Variants in TRPM3 observed in about 807,000 individuals in gnomAD.
TRPM3 encodes long transient receptor potential channel 3.
A neutral mutation model predicts 181.2 loss-of-function variants in TRPM3; 77 were observed. That is an observed-to-expected ratio of 0.42 (90% CI 0.35 to 0.51). The LOEUF (loss-of-function observed/expected upper bound fraction) is 0.51, where lower values mean the gene tolerates loss of function less well. TRPM3 is among the 20% of genes least tolerant of loss of function. The pLI, the probability that TRPM3 is intolerant of heterozygous loss-of-function variation, is 0.01. For synonymous variants in TRPM3, 745 were observed against 796.4 expected, an observed-to-expected ratio of 0.94 and a Z score of 1.09; for missense variants, 1,759 against 2,196.7, an observed-to-expected ratio of 0.80 and a Z score of 3.98.
At chr9:71,296,981 ATCTTT>A (rs1257194331) in intron 1 of TRPM3, among the ~76,000 whole-genome samples, 1 of 141,456 alleles carries the variant, frequency 7.1e-6, no homozygotes, top group African/African-American at 2.8e-5. Flanking sequence ...TGGGATGTGA[ATCTTT>A]TCTTTTTTTT....
intron 22 of TRPM3, among the ~76,000 whole-genome samples, chr9:70,572,415 C>G (rs547962405): frequency 1.3e-5 from 2 of 152,294 alleles, no homozygotes; most frequent in Admixed American, 1.3e-4. Context: ...TTACTATTAG[C>G]TAAACTCCAA....
At chr9:70,569,106 T>C (rs573758299) in intron 22 of TRPM3, among the ~76,000 whole-genome samples, 168 of 152,320 alleles carry the variant, frequency 1.1e-3, no homozygotes, top group African/African-American at 3.9e-3. Flanking sequence ...ACATAACCAA[T>C]TTCAGGCTAG....
chr9:70,569,221 C>G (rs967294570), intron 22 of TRPM3, among the ~76,000 whole-genome samples: 1 of 152,138 alleles, frequency 6.6e-6, no homozygotes, highest in African/African-American at 2.4e-5. Flanking sequence ...TGTTTTTAAT[C>G]CATGGAAACA....
chr9:70,878,867 G>A (rs1482689851), intron 1 of TRPM3, among the ~76,000 whole-genome samples: 1 of 152,084 alleles, frequency 6.6e-6, no homozygotes, highest in Admixed American at 6.6e-5. Flanking sequence ...CTACACGTTA[G>A]TAAGATTCTC....
At chr9:71,301,051 A>G (rs111236805) in intron 1 of TRPM3, among the ~76,000 whole-genome samples, 5 of 152,184 alleles carry the variant, frequency 3.3e-5, no homozygotes, top group African/African-American at 1.2e-4. Context: ...ATGAATATGT[A>G]TAGGGTACTT....
intron 22 of TRPM3, among the ~76,000 whole-genome samples, chr9:70,581,310 A>T (rs1482294823): frequency 6.6e-6 from 1 of 152,220 alleles, no homozygotes; most frequent in Non-Finnish European, 1.5e-5. Flanking sequence ...CTCATCTTGA[A>T]CCTTAGGCCT....
Position 70,862,956 on chromosome 9 carries a change from A to G in TRPM3, c.414T>C (p.Ala138=), listed in dbSNP as rs1426135438. The part of the protein sequence containing the change: ...SKHTQLSPTD[A]FGTIEFQGGG... The stretch of plus-strand genomic sequence containing the variant: ...CTCCTTGGAACTCAATGGTCCCAAA[A>G]GCATCCGTAGGGCTGAGTTGAGTGT... The change falls in exon 3 of 26, where the codon GCT becomes GCC. Residue 138 remains alanine (A), a synonymous_variant. Coordinates refer to ENST00000677713, the MANE Select transcript of TRPM3 (RefSeq NM_001366145.2). The G allele has an allele frequency of 6.2e-7, 1 of 1,613,554 alleles. No individual in the cohort carries two copies. The highest frequency in any genetic ancestry group is 1.3e-5 in the African/African-American group (1 of 74,870).
At chr9:70,794,155 T>A (rs1049487843) in intron 6 of TRPM3, among the ~76,000 whole-genome samples, 13 of 151,402 alleles carry the variant, frequency 8.6e-5, no homozygotes, top group Non-Finnish European at 1.5e-5. Context: ...GCAGTCCCAA[T>A]ACCCTGTTTA....
chr9:71,240,305 A>G (rs887056282), intron 1 of TRPM3, among the ~76,000 whole-genome samples: 2 of 152,184 alleles, frequency 1.3e-5, no homozygotes, highest in African/African-American at 4.8e-5. Context: ...ATAATCTTCA[A>G]AATGACCATT....
intron 8 of TRPM3, among the ~76,000 whole-genome samples, chr9:70,688,295 T>TA (rs5898162): frequency 0.88 from 134,471 of 152,034 alleles, 59,566 homozygotes; most frequent in South Asian, 0.9. Context: ...CCCAAAACTT[T>TA]AAAAAAATTA....
intron 21 of TRPM3, among the ~76,000 whole-genome samples, chr9:70,592,522 A>G (rs2058292383): frequency 6.6e-6 from 1 of 152,194 alleles, no homozygotes; most frequent in South Asian, 2.1e-4. Context: ...GGCCAGTTTC[A>G]TTATGCCCTT....
At chr9:71,190,623 T>C (rs969422536) in intron 1 of TRPM3, among the ~76,000 whole-genome samples, 2 of 152,030 alleles carry the variant, frequency 1.3e-5, no homozygotes. Context: ...AAAAACTCTT[T>C]AGGATCATGT....
chr9:71,340,284 G>A (rs1325534457), intron 1 of TRPM3, among the ~76,000 whole-genome samples: 1 of 152,146 alleles, frequency 6.6e-6, no homozygotes, highest in Non-Finnish European at 1.5e-5. Flanking sequence ...TATCAGTATG[G>A]ACTGATGGTT....
chr9:71,370,450 A>G (rs1324346919), intron 1 of TRPM3, among the ~76,000 whole-genome samples: 1 of 151,968 alleles, frequency 6.6e-6, no homozygotes, highest in Non-Finnish European at 1.5e-5. Flanking sequence ...TGTTGCTGAT[A>G]TGGAGAAAGT....
chr9:71,021,334 T>C (rs1046427408), intron 1 of TRPM3, among the ~76,000 whole-genome samples: 8 of 152,168 alleles, frequency 5.3e-5, no homozygotes, highest in African/African-American at 1.7e-4. Flanking sequence ...GCTTTTTAAG[T>C]ATGCATGTGC....
rs575176948 is a variant in TRPM3 at position 70,683,428 on chromosome 9, C to CTTTTTTTTTTT, written c.1273-1861_1273-1851dup. On this transcript the variant is annotated intron_variant, in intron 8 of 25. Transcript: ENST00000677713. ...CCTTTTCTCTCTTTCTCTCTCTCTC[C>CTTTTTTTTTTT]TTTTTTTTTTTTTTTTTTTTTTTTT... is the stretch of plus-strand genomic sequence containing the variant. 4.7e-3 allele frequency among the ~76,000 whole-genome samples: 272 copies of CTTTTTTTTTTT among 57,458 alleles called. 19 individuals are homozygous for CTTTTTTTTTTT. Among genetic ancestry groups the CTTTTTTTTTTT allele is most frequent in the Non-Finnish European group, 6.3e-3 (193 of 30,780 alleles). 37.7% of individuals were successfully genotyped at this position (57,458 alleles called of 152,430 possible).
chr9:70,600,412 G>C (rs568547369), intron 20 of TRPM3, among the ~76,000 whole-genome samples: 1 of 152,298 alleles, frequency 6.6e-6, no homozygotes, highest in Non-Finnish European at 1.5e-5. Context: ...AAGGAAGACA[G>C]GTTTTCGTAA....
rs137979456 is a variant in TRPM3 at position 71,196,023 on chromosome 9, G to A, written c.183+250630C>T. On this transcript the variant is annotated intron_variant, in intron 1 of 24. Transcript: ENST00000357533. ...ACAAAAAATAAGTATTGGGTACTAC[G>A]CTTAGTACCCGGGTGACGAAATAAT... 4.3e-4 allele frequency among the ~76,000 whole-genome samples: 65 copies of A among 152,014 alleles called. No homozygotes were observed. The East Asian group carries it at 8.7e-3, about 20-fold the overall frequency.
At position 70,931,714 on chromosome 9, in the gene TRPM3, C is replaced by A. The variant is rs537522389; in HGVS notation, c.178-67203G>T. On this transcript the variant is annotated intron_variant, in intron 1 of 25. Coordinates refer to ENST00000677713, the MANE Select transcript of TRPM3 (RefSeq NM_001366145.2). ...CACATCTTTTAGTATTCTACTCATA[C>A]TTTTTGGATTAGCGCAAAACTTTAA... Among the ~76,000 whole-genome samples the A allele has an allele frequency of 1.9e-3, 283 of 152,046 alleles. 1 individual carries two copies. The highest frequency in any genetic ancestry group is 6.6e-3 in the African/African-American group (272 of 41,494).
Sources: gnomAD v4.1 joint callset for allele counts (sites outside exome capture counted in the v4.1 genomes callset) on GRCh38, gnomAD v4.1.1 for gene constraint, MANE v1.5 for transcripts, NCBI Gene and HGNC (gene_info 2026-07-23, HGNC 2026-07-21) for gene names.